The following DEPDC5 variants were observed in gnomAD, a reference collection of about 807,000 sequenced individuals.
DEPDC5 encodes the protein DEP domain containing 5, GATOR1 subcomplex subunit, also known as GATOR1 complex protein DEPDC5.
DEPDC5 carries 73 observed loss-of-function variants against 217.3 expected under a neutral mutation model. The ratio of observed to expected loss-of-function variants is 0.34; its 90% CI spans 0.28 to 0.41. The LOEUF is 0.41. Ranked by LOEUF, DEPDC5 falls within the 10% of genes least tolerant of loss-of-function variation. The pLI is 1.00. For missense variants in DEPDC5, 1,675 were observed against 2,070.1 expected, an observed-to-expected ratio of 0.81 and a Z score of 3.70; for synonymous variants, 733 against 756.7, an observed-to-expected ratio of 0.97 and a Z score of 0.51.
chr22:31,899,171 GC>G lies in DEPDC5; in HGVS notation c.4375+1520del, dbSNP rs138638199. On this transcript the variant is annotated intron_variant, in intron 40 of 42. Coordinates refer to ENST00000651528, the MANE Select transcript of DEPDC5 (RefSeq NM_001242896.3). ...TGTAACTCAGTCTTCAAGACCAGCA[GC>G]CTCTGTTGGTTGCCATGGTTACAGC... is the stretch of plus-strand genomic sequence containing the variant. Among the ~76,000 whole-genome samples, 981 of 152,330 alleles carry G rather than the reference GC, an allele frequency of 6.4e-3. 13 individuals are homozygous for G. Among genetic ancestry groups the G allele is most frequent in the African/African-American group, 0.022 (915 of 41,564 alleles).
At chr22:31,780,710 C>T (rs1050481777) in intron 8 of DEPDC5, among the ~76,000 whole-genome samples, 30 of 152,206 alleles carry the variant, frequency 2.0e-4, no homozygotes, top group Non-Finnish European at 1.0e-4. Flanking sequence ...GAAGTACCTC[C>T]ATGGCACCCT....
At chr22:31,865,557 G>C (rs995374178) in intron 33 of DEPDC5, among the ~76,000 whole-genome samples, 1 of 152,074 alleles carries the variant, frequency 6.6e-6, no homozygotes, top group African/African-American at 2.4e-5. Flanking sequence ...CGAGGGGTTA[G>C]GATGGACACA....
At chr22:31,766,555 T>G (rs920713800) in intron 5 of DEPDC5, 30 bp from the exon 6 acceptor site, 2 of 1,603,520 alleles carry the variant, frequency 1.2e-6, no homozygotes, top group Non-Finnish European at 1.7e-6. Context: ...CAAAGTAATG[T>G]CAGAGATATC....
chr22:31,856,925 A>T (rs1175113127), intron 31 of DEPDC5, among the ~76,000 whole-genome samples: 2 of 151,998 alleles, frequency 1.3e-5, no homozygotes, highest in East Asian at 3.9e-4. Flanking sequence ...GTGCACTGCC[A>T]CACCGGGCTA....
rs778314907 is a variant in DEPDC5 at position 31,804,856 on chromosome 22, T to A, written c.1158T>A (p.Ser386Arg). 3.1e-6 allele frequency: 5 copies of A among 1,613,988 alleles called. No individual in the cohort carries two copies. The highest frequency in any genetic ancestry group is 4.2e-6 in the Non-Finnish European group (5 of 1,179,882). The stretch of plus-strand genomic sequence containing the variant: ...TCTCCTTGCAGCTCCATAATCGGAG[T>A]GCTCCCCGTGATTCTCGTCTGGGCG... Reference protein sequence around the residue: ...AVPLFKLHNRSAPRDSRLGDD... With the variant: ...AVPLFKLHNRRAPRDSRLGDD... Residue 386 changes from serine to arginine, a missense_variant, in exon 17 of 43, where the codon AGT (serine) becomes AGA (arginine). Physicochemically the swap from Ser to Arg is moderately radical, Grantham distance 110. This residue lies in a region of DEPDC5 where 628 missense variants were observed against 762.1 expected (regional missense o/e 0.82). Transcript: ENST00000651528.
intron 14 of DEPDC5, among the ~76,000 whole-genome samples, chr22:31,801,897 T>C (rs1324442932): frequency 2.0e-5 from 3 of 152,036 alleles, no homozygotes; most frequent in Non-Finnish European, 2.9e-5. Context: ...TCACTGATTT[T>C]TCATAGTAAG....
intron 27 of DEPDC5, among the ~76,000 whole-genome samples, chr22:31,840,093 TTAGTC>T (rs1268569912): frequency 1.3e-5 from 2 of 152,188 alleles, no homozygotes; most frequent in Admixed American, 6.5e-5. Context: ...GAAAATAACA[TTAGTC>T]AAACTATGAA....
rs372042581 is a variant in DEPDC5, at chr22:31,812,857, C to T, written c.1446-2135C>T. On this transcript the variant is annotated intron_variant, in intron 20 of 42. Transcript: ENST00000651528. ...CCAGGTTCAAGCAAGTCTTGTGCCT[C>T]AGCCTCCCGAGTAGCTGGGATTACA... 3.3e-5 allele frequency among the ~76,000 whole-genome samples: 5 copies of T among 151,506 alleles called. No homozygotes were observed. In the East Asian group the frequency reaches 9.7e-4, roughly 29 times the overall value.
At position 31,815,162 on chromosome 22, in the gene DEPDC5, A is replaced by G; in HGVS notation, c.1616A>G (p.His539Arg). 6.2e-7 allele frequency: 1 copy of G among 1,614,040 alleles called. No homozygotes were observed. Among genetic ancestry groups the G allele is most frequent in the Non-Finnish European group, 8.5e-7 (1 of 1,179,998 alleles). ...AACATCCTGATGATCCCACACCCCC[A>G]CCTGCACCAGTATGAAGTCAGCAGC... ...SANILMIPHP[H>R]LHQYEVSSSL... The change falls in exon 21 of 43, where the codon CAC (histidine) becomes CGC (arginine). Residue 539 changes from histidine (H) to arginine (R), a missense_variant. This residue lies in a region of DEPDC5 where 628 missense variants were observed against 762.1 expected (regional missense o/e 0.82). Coordinates refer to ENST00000651528, the MANE Select transcript of DEPDC5 (RefSeq NM_001242896.3).
intron 14 of DEPDC5, among the ~76,000 whole-genome samples, chr22:31,802,342 C>G (rs1175185858): frequency 6.6e-6 from 1 of 151,924 alleles, no homozygotes; most frequent in African/African-American, 2.4e-5. Context: ...GTTGGCCAGG[C>G]TGGTCTCAAA....
At chr22:31,799,797 GC>G (rs1569524302) in intron 14 of DEPDC5, among the ~76,000 whole-genome samples, 1 of 125,800 alleles carries the variant, frequency 7.9e-6, no homozygotes, top group Non-Finnish European at 1.6e-5. Flanking sequence ...ACCATGCCCG[GC>G]CTTTTTTTTT....
intron 4 of DEPDC5, among the ~76,000 whole-genome samples, chr22:31,763,614 G>A (rs542486147): frequency 1.3e-5 from 2 of 151,412 alleles, no homozygotes; most frequent in East Asian, 2.0e-4. Flanking sequence ...ATCATGCCTG[G>A]CTAATTTTTT....
intron 7 of DEPDC5, among the ~76,000 whole-genome samples, chr22:31,775,232 T>A (rs533513197): frequency 3.3e-5 from 5 of 151,816 alleles, no homozygotes; most frequent in Admixed American, 6.6e-5. Context: ...CAGGCTGGAG[T>A]GCAATGGTGC....
At chr22:31,822,166 T>C (rs764180792) in intron 23 of DEPDC5, among the ~76,000 whole-genome samples, 13 of 152,222 alleles carry the variant, frequency 8.5e-5, no homozygotes, top group Non-Finnish European at 1.8e-4. Flanking sequence ...AGAGTCAGTG[T>C]AGGAGGAAAG....
chr22:31,768,499 C>T (rs1451282225), intron 6 of DEPDC5, among the ~76,000 whole-genome samples: 1 of 152,078 alleles, frequency 6.6e-6, no homozygotes, highest in African/African-American at 2.4e-5. Flanking sequence ...TATGTAAATG[C>T]AGATATGTAT....
At chr22:31,767,634 G>A (rs1210153722) in intron 6 of DEPDC5, among the ~76,000 whole-genome samples, 5 of 152,046 alleles carry the variant, frequency 3.3e-5, no homozygotes, top group African/African-American at 1.2e-4. Flanking sequence ...GTTTCACCAT[G>A]TTGGCCAGGC....
intron 7 of DEPDC5, among the ~76,000 whole-genome samples, chr22:31,770,565 T>TC (rs2083255667): frequency 1.4e-5 from 2 of 143,012 alleles, no homozygotes; most frequent in South Asian, 4.4e-4. Context: ...TTTTTTTTTT[T>TC]GTATTTTTAG....
intron 38 of DEPDC5, among the ~76,000 whole-genome samples, chr22:31,882,630 G>T (rs1301607716): frequency 1.3e-5 from 2 of 152,162 alleles, no homozygotes; most frequent in Admixed American, 6.6e-5. Context: ...AAAATTGGAG[G>T]CAGCTAATGG....
chr22:31,899,694 T>C (rs1003572097), intron 40 of DEPDC5, among the ~76,000 whole-genome samples: 4 of 152,108 alleles, frequency 2.6e-5, no homozygotes, highest in African/African-American at 9.7e-5. Context: ...GCCTGGCTTT[T>C]TGCTCTTTAG....
Sources: allele counts gnomAD v4.1 joint callset (sites outside exome capture counted in the v4.1 genomes callset), GRCh38; gene constraint gnomAD v4.1.1; regional missense constraint gnomAD v4.1.1; transcripts MANE v1.5; gene names NCBI Gene and HGNC (gene_info 2026-07-23, HGNC 2026-07-21).